NECAB3: variants seen among roughly 807,000 people sequenced by gnomAD.
NECAB3 encodes the protein N-terminal EF-hand calcium-binding protein 3.
NECAB3 carries 38 observed loss-of-function variants against 57.2 expected under a neutral mutation model. The observed-to-expected ratio is 0.66, with a 90% confidence interval of 0.51 to 0.87. The LOEUF is 0.87. NECAB3 is among the 40% of genes least tolerant of loss of function. The pLI, the probability that NECAB3 is intolerant of heterozygous loss-of-function variation, is 0.00. For missense variants in NECAB3, 474 were observed against 527.5 expected, an observed-to-expected ratio of 0.90 and a Z score of 0.99; for synonymous variants, 223 against 222.6, an observed-to-expected ratio of 1.00 and a Z score of -0.02.
At chr20:33,662,195 G>C (rs1337835496) in intron 5 of NECAB3, 25 of 1,019,090 alleles carry the variant, frequency 2.5e-5, no homozygotes, top group Non-Finnish European at 3.3e-5. Flanking sequence ...AAGTGACTGA[G>C]TGGAGCCCAG....
chr20:33,672,158 T>C, intron 2 of NECAB3: 1 of 578,824 alleles, frequency 1.7e-6, no homozygotes, highest in South Asian at 2.0e-5. Context: ...CAGGGTGCTG[T>C]GTGAAAGTCA....
chr20:33,659,947 C>A lies in NECAB3; in HGVS notation c.581G>T (p.Gly194Val), dbSNP rs1162350541. 2 of 1,555,790 alleles carry A rather than the reference C, an allele frequency of 1.3e-6. No individual in the cohort carries two copies. Among genetic ancestry groups the A allele is most frequent in the Non-Finnish European group, 8.7e-7 (1 of 1,152,324 alleles). ...QSRLCGSRRA[G>V]RRALRSVSRS... ...GCTGACACTCCTCAGGGCTCGGCGT[C>A]CTGCCCGCCGGCTGCCGCAGAGCCT... is the stretch of plus-strand genomic sequence containing the variant. The change falls in exon 7 of 12, where the codon GGA (glycine) becomes GTA (valine). Residue 194 changes from glycine to valine, a missense_variant. By Grantham distance (109) the Gly-to-Val change is moderately radical. Transcript: ENST00000246190.
intron 1 of NECAB3, 44 bp downstream of exon 1, chr20:33,674,180 A>G: frequency 8.0e-7 from 1 of 1,247,484 alleles, no homozygotes; most frequent in Non-Finnish European, 1.0e-6. Flanking sequence ...ACTAACAGAG[A>G]CTCGGGTAGG....
chr20:33,667,585 A>ACGCCC (rs765914038), intron 5 of NECAB3: 25 of 1,565,522 alleles, frequency 1.6e-5, no homozygotes, highest in Admixed American at 5.6e-5. Context: ...GTGCCACGCC[A>ACGCCC]CGCCCATCTA....
At chr20:33,661,432 G>A (rs530184775) in intron 5 of NECAB3, among the ~76,000 whole-genome samples, 3 of 152,182 alleles carry the variant, frequency 2.0e-5, no homozygotes, top group Non-Finnish European at 2.9e-5. Flanking sequence ...CTCAGCCATC[G>A]GATGGGACCT....
intron 5 of NECAB3, chr20:33,663,910 C>G: frequency 1.5e-6 from 2 of 1,356,986 alleles, no homozygotes; most frequent in Non-Finnish European, 1.9e-6. Flanking sequence ...GCGTGGCAAC[C>G]CTGGCGCCTG....
chr20:33,660,211 A>G lies in NECAB3; in HGVS notation c.524+48T>C, dbSNP rs1401050366. On this transcript the variant is annotated intron_variant, in intron 6 of 11. Transcript: ENST00000246190. The surrounding 1 kb of genome is among the most constrained non-coding windows in gnomAD (Gnocchi z 4.1). Reference sequence around the variant, plus strand: ...TGTGGGGATTTGGAATGGGGGTACAATGGGCGCTTGTGCACTAGCCCCACA... The same window carrying G: ...TGTGGGGATTTGGAATGGGGGTACAGTGGGCGCTTGTGCACTAGCCCCACA... 6.3e-7 allele frequency: 1 copy of G among 1,593,632 alleles called. No homozygotes were observed. Among genetic ancestry groups the G allele is most frequent in the African/African-American group, 1.3e-5 (1 of 74,564 alleles).
At position 33,674,419 on chromosome 20, in the gene NECAB3, G is replaced by A. The variant is rs868004027; in HGVS notation, c.-67C>T. 3.2e-4 allele frequency: 348 copies of A among 1,098,232 alleles called. No homozygotes were observed. The African/African-American group carries it at 5.4e-3, about 17-fold the overall frequency. The allele number at this position is 1,098,232 out of a possible 1,614,324, so 68.0% of individuals were successfully genotyped here. A position where few individuals can be genotyped will look rare whatever the true frequency, so the allele number is the denominator to read the frequency against. On this transcript the variant is annotated 5_prime_UTR_variant, in exon 1 of 12. Coordinates refer to ENST00000246190, the MANE Select transcript of NECAB3 (RefSeq NM_031232.4). ...CCCTGGACGCCGCGGCGGACTCGGT[G>A]TGGCTAGAGGCCGCCCCTTGGCGCC...
chr20:33,670,552 G>T lies in NECAB3; in HGVS notation c.263+132C>A, dbSNP rs1341624881. ...AGGGGGTAGGCAGGCGGGTAAAGTTGGAACTGAGCCCTGGTACCTTTCTCC... is the reference window on the plus strand; with the variant it reads ...AGGGGGTAGGCAGGCGGGTAAAGTTTGAACTGAGCCCTGGTACCTTTCTCC... On this transcript the variant is annotated intron_variant, in intron 3 of 11. Coordinates refer to ENST00000246190, the MANE Select transcript of NECAB3 (RefSeq NM_031232.4). 5 of 603,246 alleles carry T rather than the reference G, an allele frequency of 8.3e-6. No individual in the cohort carries two copies. The East Asian group carries it at 1.5e-4, about 19-fold the overall frequency. 37.4% of individuals were successfully genotyped at this position (603,246 alleles called of 1,614,324 possible).
chr20:33,657,770 A>T lies in NECAB3; in HGVS notation c.*59T>A. On this transcript the variant is annotated 3_prime_UTR_variant, in exon 12 of 12. Transcript: ENST00000246190. ...GTCTTTGCGCTGGGCTGGCCAGTCC[A>T]GAAGGCTCCAGAGGGAGGCAGGCAG... The T allele has an allele frequency of 1.3e-6, 2 of 1,481,526 alleles. No homozygotes were observed. Among genetic ancestry groups the T allele is most frequent in the Non-Finnish European group, 1.8e-6 (2 of 1,111,284 alleles). The allele number at this position is 1,481,526 out of a possible 1,614,324, so 91.8% of individuals were successfully genotyped here. A position where few individuals can be genotyped will look rare whatever the true frequency, so the allele number is the denominator to read the frequency against.
upstream of NECAB3, chr20:33,674,528 G>A (rs1601181916): frequency 1.9e-6 from 1 of 532,612 alleles, no homozygotes; most frequent in Non-Finnish European, 2.4e-6. Flanking sequence ...CAACTCCAGC[G>A]CCGCGGGCCT....
intron 10 of NECAB3, 123 bp downstream of exon 10, chr20:33,658,354 G>A: frequency 1.0e-6 from 1 of 1,004,384 alleles, no homozygotes; most frequent in Non-Finnish European, 1.5e-6. Context: ...CGGGGGCTCG[G>A]GCAGGTGGGG....
chr20:33,659,852 T>C (rs762468572), intron 7 of NECAB3, 33 bp downstream of exon 7: 1 of 1,538,328 alleles, frequency 6.5e-7, no homozygotes, highest in Non-Finnish European at 8.7e-7. Flanking sequence ...GGTGCCTGCC[T>C]CGGCCAGGCC....
rs762277407 is a variant in NECAB3 at position 33,663,665 on chromosome 20, G to A, written c.388-3270C>T. The A allele has an allele frequency of 2.5e-6, 4 of 1,574,972 alleles. No homozygotes were observed. In the African/African-American group the frequency reaches 5.5e-5, roughly 21 times the overall value. ...AGATTGCGCGGAGCGGGCGAAGGTA[G>A]CGAGCGCGAGCCGAGGATGCCGGTA... On this transcript the variant is annotated intron_variant, in intron 5 of 11. Transcript: ENST00000246190.
In NECAB3 at chr20:33,660,108, C is replaced by A; in HGVS notation, c.525-105G>T. The A allele has an allele frequency of 6.6e-7, 1 of 1,524,612 alleles. No individual in the cohort carries two copies. The highest frequency in any genetic ancestry group is 8.8e-7 in the Non-Finnish European group (1 of 1,138,570). The allele number at this position is 1,524,612 out of a possible 1,614,324, so 94.4% of individuals were successfully genotyped here. ...GGGACTCCGAGGCCTAGCCCCAAAG[C>A]CAGTCTCATTTCACCCCGCCATGGC... On this transcript the variant is annotated intron_variant, in intron 6 of 11. Coordinates refer to ENST00000246190, the MANE Select transcript of NECAB3 (RefSeq NM_031232.4). This position sits in a 1 kb window ranked among gnomAD's most constrained non-coding sequence, Gnocchi z 4.1.
At chr20:33,670,243 G>A (rs1022269884) in intron 3 of NECAB3, 13 of 179,638 alleles carry the variant, frequency 7.2e-5, no homozygotes, top group Admixed American at 2.8e-4. Flanking sequence ...GGAAGTAGAG[G>A]GAGTAACAGC....
At chr20:33,665,608 T>G (rs1250613232) in intron 5 of NECAB3, 1 of 152,274 alleles carries the variant, frequency 6.6e-6, no homozygotes, top group Non-Finnish European at 1.5e-5. Flanking sequence ...GTCCTTATTT[T>G]GGGTTACATT....
intron 5 of NECAB3, chr20:33,662,320 C>A: frequency 1.3e-6 from 2 of 1,549,906 alleles, no homozygotes; most frequent in South Asian, 1.2e-5. Context: ...TGTGGGCCAT[C>A]GTCCCCAGTG....
chr20:33,667,891 C>T (rs1326685276), intron 5 of NECAB3: 1 of 1,588,376 alleles, frequency 6.3e-7, no homozygotes, highest in Non-Finnish European at 8.6e-7. Flanking sequence ...CCAGCCGGGC[C>T]TGCTGGGCCA....
Sources: gnomAD v4.1 joint callset for allele counts (sites outside exome capture counted in the v4.1 genomes callset) on GRCh38, gnomAD v4.1.1 for gene constraint, Gnocchi (gnomAD v3.1) non-coding constraint, MANE v1.5 for transcripts, NCBI Gene and HGNC (gene_info 2026-07-23, HGNC 2026-07-21) for gene names.